The following GCA variants were observed in gnomAD, a reference collection of about 807,000 sequenced individuals.
GCA encodes grancalcin, EF-hand calcium-binding protein.
Under a neutral mutation model 32.6 loss-of-function variants are expected in GCA, and 30 were observed. The ratio of observed to expected loss-of-function variants is 0.92; its 90% CI spans 0.69 to 1.25. The LOEUF is 1.25. Ranked by LOEUF, GCA falls within the 50% of genes most tolerant of loss-of-function variation. The pLI is 0.00. For missense variants in GCA, 291 were observed against 266.8 expected, an observed-to-expected ratio of 1.09 and a Z score of -0.63; for synonymous variants, 102 against 84.6, an observed-to-expected ratio of 1.21 and a Z score of -1.13.
intron 4 of GCA, among the ~76,000 whole-genome samples, chr2:162,370,659 C>T (rs1246153323): frequency 6.6e-6 from 1 of 152,098 alleles, no homozygotes; most frequent in Non-Finnish European, 1.5e-5. Context: ...AGGCCCATTG[C>T]TTTCCCGCAG....
intron 1 of GCA, among the ~76,000 whole-genome samples, chr2:162,331,316 A>G (rs929353291): frequency 6.6e-6 from 1 of 152,226 alleles, no homozygotes; most frequent in African/African-American, 2.4e-5. Flanking sequence ...AAGGGCCACA[A>G]GTATTGATTA....
chr2:162,359,406 AATT>A (rs1353746581), intron 6 of GCA, 85 bp from the exon 7 acceptor site: 1 of 641,002 alleles, frequency 1.6e-6, no homozygotes, highest in Non-Finnish European at 2.7e-6. Context: ...TTGAATATGA[AATT>A]ATTCTTTTTG....
chr2:162,353,501 T>A (rs1389298167), intron 3 of GCA, among the ~76,000 whole-genome samples: 1 of 152,088 alleles, frequency 6.6e-6, no homozygotes, highest in Non-Finnish European at 1.5e-5. Context: ...GAGATAAATT[T>A]TTGAGAGCTT....
At chr2:162,323,174 T>C (rs1576250907) in intron 1 of GCA, among the ~76,000 whole-genome samples, 1 of 151,888 alleles carries the variant, frequency 6.6e-6, no homozygotes, top group East Asian at 1.9e-4. Flanking sequence ...GTGAGCATTT[T>C]TTCATGTGTT....
At chr2:162,344,705 TA>T (rs2105304575) in intron 1 of GCA, among the ~76,000 whole-genome samples, 1 of 151,774 alleles carries the variant, frequency 6.6e-6, no homozygotes, top group Non-Finnish European at 1.5e-5. Context: ...AGGTGTACGG[TA>T]AATAACTCCT....
At chr2:162,327,170 T>C (rs1036586759) in intron 1 of GCA, among the ~76,000 whole-genome samples, 2 of 152,210 alleles carry the variant, frequency 1.3e-5, no homozygotes, top group African/African-American at 4.8e-5. Context: ...GGCTTTGGAT[T>C]CCTTAGGCCC....
At chr2:162,373,327 C>G, downstream of GCA, 2 of 479,504 alleles carry the variant, frequency 4.2e-6, no homozygotes, top group East Asian at 6.8e-5. Context: ...TTACAGGGCC[C>G]ATTTCCAGAA....
At chr2:162,373,961 CAATT>C (rs1686063253), downstream of GCA, among the ~76,000 whole-genome samples, 1 of 152,112 alleles carries the variant, frequency 6.6e-6, no homozygotes, top group Non-Finnish European at 1.5e-5. Context: ...AACACACTGA[CAATT>C]TATTTTTAAT....
At chr2:162,334,856 C>G (rs543620155) in intron 1 of GCA, among the ~76,000 whole-genome samples, 1 of 152,218 alleles carries the variant, frequency 6.6e-6, no homozygotes, top group Admixed American at 6.5e-5. Context: ...AGATCTAGAC[C>G]TATGCTTTTC....
intron 2 of GCA, among the ~76,000 whole-genome samples, chr2:162,348,924 T>C (rs1022951764): frequency 2.0e-5 from 3 of 152,026 alleles, no homozygotes; most frequent in African/African-American, 7.2e-5. Context: ...AAGATGCCAA[T>C]GTCTTCCAAA....
chr2:162,356,595 T>A (rs1685281869), intron 4 of GCA, 114 bp downstream of exon 4: 1 of 859,110 alleles, frequency 1.2e-6, no homozygotes, highest in South Asian at 1.5e-5. Context: ...AAAAATACTT[T>A]GTAAGATCCT....
chr2:162,349,328 G>A (rs564918005), intron 2 of GCA, among the ~76,000 whole-genome samples: 5 of 151,862 alleles, frequency 3.3e-5, no homozygotes, highest in East Asian at 1.9e-4. Flanking sequence ...ATTGAAAAGA[G>A]GGTGTATTGA....
intron 1 of GCA, among the ~76,000 whole-genome samples, chr2:162,322,414 T>TTTATTTA (rs1354078926): frequency 0.023 from 3,008 of 128,618 alleles, 115 homozygotes; most frequent in African/African-American, 0.11. Context: ...TATTTATTTA[T>TTTATTTA]TTATTATTAT....
intron 1 of GCA, among the ~76,000 whole-genome samples, chr2:162,334,265 T>C (rs1332234336): frequency 2.2e-5 from 3 of 135,136 alleles, no homozygotes; most frequent in Admixed American, 7.7e-5. Flanking sequence ...CAATTATAGA[T>C]TTTTTTTTTT....
intron 3 of GCA, among the ~76,000 whole-genome samples, chr2:162,354,723 T>C (rs1685176073): frequency 6.6e-6 from 1 of 152,204 alleles, no homozygotes; most frequent in South Asian, 2.1e-4. Flanking sequence ...AGATCTAGGT[T>C]GGTTAACTCA....
intron 1 of GCA, among the ~76,000 whole-genome samples, chr2:162,338,973 A>G (rs1182560704): frequency 6.6e-6 from 1 of 152,202 alleles, no homozygotes. Context: ...CTATTATTAA[A>G]TTGCTTTAGA....
At chr2:162,357,963 A>T (rs1186894847) in intron 5 of GCA, among the ~76,000 whole-genome samples, 1 of 151,660 alleles carries the variant, frequency 6.6e-6, no homozygotes, top group Admixed American at 6.6e-5. Context: ...TTTAGCTCAT[A>T]ACTCTCTAAT....
chr2:162,364,818 C>T (rs1331383339), downstream of GCA, among the ~76,000 whole-genome samples: 7 of 151,362 alleles, frequency 4.6e-5, no homozygotes, highest in Non-Finnish European at 7.4e-5. Context: ...ATGAAGCAAA[C>T]GTATGTTATA....
chr2:162,337,938 C>T (rs934583708), intron 1 of GCA, among the ~76,000 whole-genome samples: 2 of 152,136 alleles, frequency 1.3e-5, no homozygotes, highest in Non-Finnish European at 2.9e-5. Context: ...CTCCTGTTTT[C>T]AGCTTTCAGA....
Sources: allele counts gnomAD v4.1 joint callset (sites outside exome capture counted in the v4.1 genomes callset), GRCh38; gene constraint gnomAD v4.1.1; transcripts MANE v1.5; gene names NCBI Gene and HGNC (gene_info 2026-07-23, HGNC 2026-07-21).